Variants in CFDP1 observed in about 807,000 individuals in gnomAD.
CFDP1 encodes chromatin remodeling protein CFDP1.
CFDP1 carries 31 observed loss-of-function variants against 40.1 expected under a neutral mutation model. The ratio of observed to expected loss-of-function variants is 0.77; its 90% CI spans 0.58 to 1.04. The LOEUF is 1.04. CFDP1 is among the 50% of genes least tolerant of loss of function. The probability of loss-of-function intolerance (pLI) is 0.00; values close to 1 mark genes in which losing one functional copy is unlikely to be tolerated. For synonymous variants in CFDP1, 167 were observed against 120.0 expected (o/e 1.39, Z -2.56); for missense variants, 423 against 343.4 (o/e 1.23, Z -1.83).
At chr16:75,349,304 G>C (rs935563289) in intron 5 of CFDP1, among the ~76,000 whole-genome samples, 4 of 151,834 alleles carry the variant, frequency 2.6e-5, no homozygotes, top group African/African-American at 9.7e-5. Context: ...CTTGAGGGCA[G>C]TTCAGGACCA....
intron 5 of CFDP1, among the ~76,000 whole-genome samples, chr16:75,337,772 G>A (rs2078499711): frequency 6.6e-6 from 1 of 152,072 alleles, no homozygotes; most frequent in Admixed American, 6.6e-5. Context: ...CCATGCCCAT[G>A]ATCCAATCAC....
At chr16:75,300,374 G>A (rs1276514678) in intron 6 of CFDP1, among the ~76,000 whole-genome samples, 2 of 152,072 alleles carry the variant, frequency 1.3e-5, no homozygotes, top group Non-Finnish European at 2.9e-5. Flanking sequence ...TGCAACCTCC[G>A]CCTCCCGGGT....
At chr16:75,364,313 C>A (rs943110651) in intron 5 of CFDP1, among the ~76,000 whole-genome samples, 1 of 152,014 alleles carries the variant, frequency 6.6e-6, no homozygotes, top group Non-Finnish European at 1.5e-5. Flanking sequence ...TTTTAGCTAC[C>A]AAATTCCCCT....
intron 5 of CFDP1, among the ~76,000 whole-genome samples, chr16:75,309,304 A>G (rs1336772707): frequency 2.6e-5 from 4 of 152,180 alleles, no homozygotes; most frequent in Non-Finnish European, 5.9e-5. Context: ...TACATGAACC[A>G]GGCTTTCAGG....
chr16:75,331,090 G>A (rs1804131078), intron 5 of CFDP1, among the ~76,000 whole-genome samples: 1 of 151,998 alleles, frequency 6.6e-6, no homozygotes, highest in African/African-American at 2.4e-5. Flanking sequence ...GCTTGCCTCT[G>A]CACCTGCCCT....
intron 1 of CFDP1, among the ~76,000 whole-genome samples, chr16:75,424,683 G>C (rs2079316147): frequency 6.6e-6 from 1 of 151,666 alleles, no homozygotes; most frequent in African/African-American, 2.4e-5. Flanking sequence ...GAACCCAGGA[G>C]GCAGAGGTCA....
At chr16:75,339,501 C>T (rs116569616) in intron 5 of CFDP1, among the ~76,000 whole-genome samples, 2,363 of 152,054 alleles carry the variant, frequency 0.016, 59 homozygotes, top group African/African-American at 0.053. Flanking sequence ...GATGGTTTGG[C>T]GACTGTTATG....
At position 75,412,683 on chromosome 16, in the gene CFDP1, C is replaced by T. The variant is rs749830564; in HGVS notation, c.254G>A (p.Ser85Asn). Reference sequence around the variant, plus strand: ...AGCGTCATCTTCCTCCTCACTACTGCTTCCCTCAGATTCTGAATTGGCATC... The same window carrying T: ...AGCGTCATCTTCCTCCTCACTACTGTTTCCCTCAGATTCTGAATTGGCATC... ...EEDANSESEG[S>N]SSEEEDDAAE... The change falls in exon 3 of 7, where the codon AGC becomes AAC. Residue 85 changes from serine (S) to asparagine (N), a missense_variant. Transcript: ENST00000283882. 8 of 1,614,174 alleles carry T rather than the reference C, an allele frequency of 5.0e-6. No individual in the cohort carries two copies. The highest frequency in any genetic ancestry group is 6.8e-6 in the Non-Finnish European group (8 of 1,180,030).
chr16:75,328,296 G>A (rs749375610), intron 5 of CFDP1, among the ~76,000 whole-genome samples: 1 of 150,584 alleles, frequency 6.6e-6, no homozygotes, highest in Non-Finnish European at 1.5e-5. Flanking sequence ...TTAAAAGCTA[G>A]AGCGATGGCC....
intron 1 of CFDP1, among the ~76,000 whole-genome samples, chr16:75,423,229 C>G (rs1166259837): frequency 6.9e-6 from 1 of 143,906 alleles, no homozygotes; most frequent in Admixed American, 7.0e-5. Context: ...GGCAGTGAAC[C>G]GAGATGGTGC....
chr16:75,397,934 G>A (rs1333810275), intron 4 of CFDP1, among the ~76,000 whole-genome samples: 1 of 152,246 alleles, frequency 6.6e-6, no homozygotes, highest in Non-Finnish European at 1.5e-5. Flanking sequence ...GAGAGGAACA[G>A]AAGCTTAAAC....
At chr16:75,309,794 T>G (rs922921297) in intron 5 of CFDP1, among the ~76,000 whole-genome samples, 1 of 111,032 alleles carries the variant, frequency 9.0e-6, no homozygotes, top group Non-Finnish European at 1.6e-5. Flanking sequence ...CACTCCAGCC[T>G]GGGTGACAGA....
chr16:75,428,711 G>A (rs2079371705), intron 1 of CFDP1, among the ~76,000 whole-genome samples: 2 of 150,270 alleles, frequency 1.3e-5, no homozygotes, highest in African/African-American at 4.9e-5. Context: ...AGTGAGAGAG[G>A]AAAGAAAGGA....
At chr16:75,398,539 T>A (rs2079018118) in intron 4 of CFDP1, among the ~76,000 whole-genome samples, 1 of 152,188 alleles carries the variant, frequency 6.6e-6, no homozygotes, top group Non-Finnish European at 1.5e-5. Context: ...CCTGGCATGC[T>A]TCCACCTGGC....
At chr16:75,331,649 T>C (rs2078446705) in intron 5 of CFDP1, among the ~76,000 whole-genome samples, 1 of 152,240 alleles carries the variant, frequency 6.6e-6, no homozygotes, top group Non-Finnish European at 1.5e-5. Flanking sequence ...TTTTTTTCTT[T>C]TGTGTCTGGT....
chr16:75,349,702 T>C (rs1246354840), intron 5 of CFDP1, among the ~76,000 whole-genome samples: 2 of 90,264 alleles, frequency 2.2e-5, no homozygotes, highest in African/African-American at 8.5e-5. Context: ...TATATATACA[T>C]ACATATATAC....
chr16:75,369,767 T>TTGTC (rs2078739036), intron 5 of CFDP1, among the ~76,000 whole-genome samples: 1 of 152,134 alleles, frequency 6.6e-6, no homozygotes, highest in Admixed American at 6.6e-5. Context: ...ATTTATTTGT[T>TTGTC]TATGAGACAG....
At chr16:75,301,666 T>C (rs569396857) in intron 6 of CFDP1, 6 of 151,762 alleles carry the variant, frequency 4.0e-5, no homozygotes, top group African/African-American at 1.5e-4. Context: ...CTCTAGAATT[T>C]TGAACCTGTG....
chr16:75,339,518 C>A (rs1025824922), intron 5 of CFDP1, among the ~76,000 whole-genome samples: 1 of 152,116 alleles, frequency 6.6e-6, no homozygotes, highest in African/African-American at 2.4e-5. Context: ...TATGTGCTTG[C>A]TCATGGCTGT....
Sources: allele counts gnomAD v4.1 joint callset (sites outside exome capture counted in the v4.1 genomes callset), GRCh38; gene constraint gnomAD v4.1.1; transcripts MANE v1.5; gene names NCBI Gene and HGNC (gene_info 2026-07-23, HGNC 2026-07-21).